Variants in RBM6 observed in about 807,000 individuals in gnomAD.
The protein encoded by RBM6 is RNA binding motif protein 6.
A neutral mutation model predicts 140.4 loss-of-function variants in RBM6; 23 were observed. The observed-to-expected ratio is 0.16, with a 90% CI of 0.12 to 0.23. The LOEUF (loss-of-function observed/expected upper bound fraction) is 0.23, where lower values mean the gene tolerates loss of function less well. Ranked by LOEUF, RBM6 falls within the 10% of genes least tolerant of loss-of-function variation. The pLI is 1.00. For synonymous variants in RBM6, 439 were observed against 475.6 expected (o/e 0.92, Z 1.00); for missense variants, 1,139 against 1,386.7 (o/e 0.82, Z 2.84).
chr3:50,006,990 G>A (rs2086611746), intron 6 of RBM6, among the ~76,000 whole-genome samples: 1 of 151,466 alleles, frequency 6.6e-6, no homozygotes, highest in Non-Finnish European at 1.5e-5. Context: ...CATCTTTGTT[G>A]TTTTCACACA....
intron 6 of RBM6, among the ~76,000 whole-genome samples, chr3:50,034,228 C>A (rs1374088258): frequency 6.6e-6 from 1 of 151,830 alleles, no homozygotes; most frequent in Non-Finnish European, 1.5e-5. Flanking sequence ...AAGTGATCCC[C>A]CCACCTCGGC....
chr3:49,958,142 T>G (rs1457140981), intron 1 of RBM6, among the ~76,000 whole-genome samples: 2 of 152,148 alleles, frequency 1.3e-5, no homozygotes, highest in Non-Finnish European at 2.9e-5. Context: ...AAATTCATTC[T>G]GGGCCGGGCG....
At position 49,982,424 on chromosome 3, in the gene RBM6, G is replaced by T. The variant is rs184398670; in HGVS notation, c.1483+7032G>T. Among the ~76,000 whole-genome samples, 639 of 151,490 alleles carry T rather than the reference G, an allele frequency of 4.2e-3. 19 individuals are homozygous for T. The highest frequency in any genetic ancestry group is 0.029 in the Admixed American group (441 of 15,190). Reference sequence around the variant, plus strand: ...TGCCTGGTTAATGTAAATTTGTTTGGTTTTTTTGAGACAGAGTTTCACTCT... The same window carrying T: ...TGCCTGGTTAATGTAAATTTGTTTGTTTTTTTTGAGACAGAGTTTCACTCT... On this transcript the variant is annotated intron_variant, in intron 5 of 20. Transcript: ENST00000266022.
chr3:50,031,125 CT>C (rs2088127149), intron 6 of RBM6, among the ~76,000 whole-genome samples: 1 of 152,202 alleles, frequency 6.6e-6, no homozygotes, highest in African/African-American at 2.4e-5. Context: ...CACTTTTACA[CT>C]GTTGGTGGGA....
At chr3:50,074,431 C>T (rs557036958) in intron 19 of RBM6, among the ~76,000 whole-genome samples, 4 of 152,198 alleles carry the variant, frequency 2.6e-5, no homozygotes, top group South Asian at 2.1e-4. Flanking sequence ...AAGCGATTCT[C>T]CTGCCTCAGC....
chr3:49,979,447 T>G (rs2108665569), intron 5 of RBM6, among the ~76,000 whole-genome samples: 1 of 151,294 alleles, frequency 6.6e-6, no homozygotes, highest in Middle Eastern at 3.4e-3. Flanking sequence ...TGTTTTTTTT[T>G]TTTTTTTTTG....
Position 50,062,031 on chromosome 3 carries a change from A to G in RBM6, c.2509A>G (p.Ser837Gly). 1.2e-6 allele frequency: 2 copies of G among 1,614,112 alleles called. No homozygotes were observed. The highest frequency in any genetic ancestry group is 2.7e-5 in the African/African-American group (2 of 75,052). ...AGAGATCAAGGAAAAAAAACCCACCAGTCAAGGAAAGTCAAGTAGCAAGAA... is the reference window on the plus strand; with the variant it reads ...AGAGATCAAGGAAAAAAAACCCACCGGTCAAGGAAAGTCAAGTAGCAAGAA... ...EEEIKEKKPT[S>G]QGKSSSKKEM... Residue 837 changes from serine (S) to glycine (G), a missense_variant, in exon 15 of 21, where the codon AGT (serine) becomes GGT (glycine). Physicochemically the swap from Ser to Gly is moderately conservative, Grantham distance 56 (BLOSUM62 0). Coordinates refer to ENST00000266022, the MANE Select transcript of RBM6 (RefSeq NM_005777.3).
At chr3:50,059,621 C>T in intron 10 of RBM6, 28 bp from the exon 11 acceptor site, 1 of 1,574,354 alleles carries the variant, frequency 6.4e-7, no homozygotes, top group Non-Finnish European at 8.7e-7. Context: ...TTTTCTGTCT[C>T]TGGGTTCAAG....
intron 3 of RBM6, among the ~76,000 whole-genome samples, chr3:49,968,964 G>A (rs1463809943): frequency 1.6e-5 from 2 of 124,062 alleles, no homozygotes; most frequent in Non-Finnish European, 3.5e-5. Flanking sequence ...CACCGCGCCC[G>A]GCCTGCTTTT....
chr3:50,031,385 T>G (rs2108822604), intron 6 of RBM6, among the ~76,000 whole-genome samples: 1 of 152,276 alleles, frequency 6.6e-6, no homozygotes, highest in East Asian at 1.9e-4. Flanking sequence ...ATATACACCA[T>G]GGAATACTAT....
chr3:49,999,532 C>A lies in RBM6; in HGVS notation c.1557+19C>A. Reference sequence around the variant, plus strand: ...CAACCAGGTTGCTTTATACTTCGGTCAAATGATGCTGGAAGGATATATTTT... The same window carrying A: ...CAACCAGGTTGCTTTATACTTCGGTAAAATGATGCTGGAAGGATATATTTT... On this transcript the variant is annotated intron_variant, in intron 6 of 20. Transcript: ENST00000266022. 2 of 1,575,430 alleles carry A rather than the reference C, an allele frequency of 1.3e-6. No homozygotes were observed. Among genetic ancestry groups the A allele is most frequent in the South Asian group, 1.1e-5 (1 of 90,200 alleles).
chr3:50,045,655 A>G (rs1292635387), intron 6 of RBM6, among the ~76,000 whole-genome samples: 1 of 152,122 alleles, frequency 6.6e-6, no homozygotes, highest in African/African-American at 2.4e-5. Flanking sequence ...GAATATTCCT[A>G]CCTAGCAAGC....
At position 49,986,610 on chromosome 3, in the gene RBM6, C is replaced by A. The variant is rs1208606425; in HGVS notation, c.1483+11218C>A. On this transcript the variant is annotated intron_variant, in intron 5 of 20. Coordinates refer to ENST00000266022, the MANE Select transcript of RBM6 (RefSeq NM_005777.3). Reference sequence around the variant, plus strand: ...ACTCCGTCTCAAAAAAAAAAAAAAACAAAACAAAAAAAAACCAAAACATTA... The same window carrying A: ...ACTCCGTCTCAAAAAAAAAAAAAAAAAAAACAAAAAAAAACCAAAACATTA... Among the ~76,000 whole-genome samples, 48 of 144,480 alleles carry A rather than the reference C, an allele frequency of 3.3e-4. No individual in the cohort carries two copies. In the East Asian group the frequency reaches 7.4e-3, roughly 22 times the overall value. 94.8% of individuals were successfully genotyped at this position (144,480 alleles called of 152,430 possible). A position where few individuals can be genotyped will look rare whatever the true frequency, so the allele number is the denominator to read the frequency against.
At chr3:50,062,958 A>G (rs1380726299) in intron 15 of RBM6, among the ~76,000 whole-genome samples, 1 of 141,884 alleles carries the variant, frequency 7.0e-6, no homozygotes, top group Non-Finnish European at 1.5e-5. Context: ...CAGTGGCATG[A>G]TCATAGCTCA....
At chr3:49,987,189 CAGCCTCCCAAGT>C (rs764825161) in intron 5 of RBM6, among the ~76,000 whole-genome samples, 6 of 152,248 alleles carry the variant, frequency 3.9e-5, no homozygotes, top group South Asian at 2.1e-4. Context: ...TCTCCTGCCT[CAGCCTCCCAAGT>C]AGCCTCCCAA....
rs1176287553 is a variant in RBM6, at chr3:49,953,203, G to A, written c.-66-9373G>A. On this transcript the variant is annotated intron_variant, in intron 1 of 20. Transcript: ENST00000266022. The stretch of plus-strand genomic sequence containing the variant: ...CCTAGGTAACTGGGACCTTAGGGGC[G>A]TGCCATCACACCTTGCTAATTTTTT... Among the ~76,000 whole-genome samples, 3 of 150,050 alleles carry A rather than the reference G, an allele frequency of 2.0e-5. No homozygotes were observed. The East Asian group carries it at 5.8e-4, about 29-fold the overall frequency.
chr3:50,045,284 G>A (rs140962298), intron 6 of RBM6, among the ~76,000 whole-genome samples: 2,584 of 152,248 alleles, frequency 0.017, 37 homozygotes, highest in Non-Finnish European at 0.027. Context: ...TGACAGTAGT[G>A]CCTTGTTCTT....
chr3:50,033,026 C>T (rs896376237), intron 6 of RBM6, among the ~76,000 whole-genome samples: 1 of 150,842 alleles, frequency 6.6e-6, no homozygotes, highest in African/African-American at 2.4e-5. Flanking sequence ...ACAGGGAAGC[C>T]AAGCTCATGC....
chr3:49,948,987 G>A (rs936989927), intron 1 of RBM6, among the ~76,000 whole-genome samples: 139 of 150,266 alleles, frequency 9.3e-4, no homozygotes, highest in African/African-American at 2.5e-3. Flanking sequence ...CTGCCACCAC[G>A]CCTGGCTAAT....
Sources: allele counts gnomAD v4.1 joint callset (sites outside exome capture counted in the v4.1 genomes callset), GRCh38; gene constraint gnomAD v4.1.1; transcripts MANE v1.5; gene names NCBI Gene and HGNC (gene_info 2026-07-23, HGNC 2026-07-21).